The following HDAC9 variants were observed in gnomAD, a reference collection of about 807,000 sequenced individuals.
The protein encoded by HDAC9 is MEF-2 interacting transcription repressor (MITR) protein.
A neutral mutation model predicts 139.4 loss-of-function variants in HDAC9; 41 were observed. The ratio of observed to expected loss-of-function variants is 0.29; its 90% CI spans 0.23 to 0.38. HDAC9 has a LOEUF of 0.38. Among genes scored for constraint, HDAC9 ranks in the 10% least tolerant of loss-of-function variants. The pLI is 1.00. For synonymous variants in HDAC9, 517 were observed against 476.2 expected (o/e 1.09, Z -1.12); for missense variants, 1,147 against 1,297.0 (o/e 0.88, Z 1.78).
chr7:18,447,412 T>G (rs1035296110), intron 1 of HDAC9, among the ~76,000 whole-genome samples: 2 of 152,194 alleles, frequency 1.3e-5, no homozygotes, highest in Non-Finnish European at 2.9e-5. Flanking sequence ...AATAAAGTTA[T>G]GCTGCTTATA....
chr7:18,865,556 A>G (rs1056872318), intron 21 of HDAC9, among the ~76,000 whole-genome samples: 6 of 152,144 alleles, frequency 3.9e-5, no homozygotes, highest in African/African-American at 4.8e-5. Context: ...CTTTTCCACA[A>G]ATGCCCATGG....
At chr7:18,359,542 A>G (rs2128686832) in intron 1 of HDAC9, among the ~76,000 whole-genome samples, 1 of 152,298 alleles carries the variant, frequency 6.6e-6, no homozygotes, top group East Asian at 1.9e-4. Flanking sequence ...AAATAGTACA[A>G]TGAACTTGCA....
At chr7:18,855,438 C>G (rs1797605964) in intron 21 of HDAC9, among the ~76,000 whole-genome samples, 1 of 151,984 alleles carries the variant, frequency 6.6e-6, no homozygotes, top group Admixed American at 6.6e-5. Flanking sequence ...GTCAGTAGCT[C>G]TATCCACCTC....
intron 2 of HDAC9, among the ~76,000 whole-genome samples, chr7:18,554,608 T>C (rs930047827): frequency 3.3e-5 from 5 of 152,226 alleles, no homozygotes; most frequent in African/African-American, 1.2e-4. Flanking sequence ...GTGCTGGGAT[T>C]ACAGGCGTGA....
At chr7:18,744,269 G>C (rs917616055) in intron 13 of HDAC9, among the ~76,000 whole-genome samples, 7 of 152,072 alleles carry the variant, frequency 4.6e-5, no homozygotes, top group Non-Finnish European at 1.5e-5. Context: ...TGGGATTAGA[G>C]GCGTGAGCCA....
intron 19 of HDAC9, among the ~76,000 whole-genome samples, chr7:18,834,762 T>G (rs2016515): frequency 0.27 from 41,579 of 152,058 alleles, 6,299 homozygotes; most frequent in South Asian, 0.45. Flanking sequence ...AAGTATGAAG[T>G]TTTTTTGCAT....
At chr7:18,968,787 G>C (rs187746760) in intron 24 of HDAC9, among the ~76,000 whole-genome samples, 1 of 151,836 alleles carries the variant, frequency 6.6e-6, no homozygotes, top group African/African-American at 2.4e-5. Flanking sequence ...GTGAAACCCC[G>C]TCTCTACTAA....
chr7:18,148,679 C>T (rs960753923), intron 1 of HDAC9, among the ~76,000 whole-genome samples: 2 of 152,024 alleles, frequency 1.3e-5, no homozygotes, highest in East Asian at 1.9e-4. Flanking sequence ...AGGCTGGTCT[C>T]GAACTCCTGA....
intron 1 of HDAC9, among the ~76,000 whole-genome samples, chr7:18,441,872 A>G (rs1275267712): frequency 6.6e-6 from 1 of 152,104 alleles, no homozygotes; most frequent in African/African-American, 2.4e-5. Context: ...GGTTCACGCC[A>G]TTCTCCTGCC....
intron 21 of HDAC9, among the ~76,000 whole-genome samples, chr7:18,862,367 T>C (rs1798174823): frequency 1.3e-5 from 2 of 152,194 alleles, no homozygotes; most frequent in Non-Finnish European, 2.9e-5. Context: ...TTAGAGTTAA[T>C]CTAAATGAAT....
At position 18,155,093 on chromosome 7, in the gene HDAC9, C is replaced by CTTTCTTTCTTTCTTTCTTTCTTTCT. The variant is rs761803907; in HGVS notation, c.-96-7133_-96-7132insCTTTCTTTCTTTCTTTCTTTCTTTT. 2.6e-3 allele frequency among the ~76,000 whole-genome samples: 363 copies of CTTTCTTTCTTTCTTTCTTTCTTTCT among 141,688 alleles called. 2 individuals carry two copies. The East Asian group carries it at 0.032, about 12-fold the overall frequency. 93.0% of individuals were successfully genotyped at this position (141,688 alleles called of 152,430 possible). A position where few individuals can be genotyped will look rare whatever the true frequency, so the allele number is the denominator to read the frequency against. On this transcript the variant is annotated intron_variant, in intron 1 of 12. Coordinates refer to the HDAC9 transcript ENST00000417496. ...GCTTTTTTTCTTTCTTTCTTTCTTT[C>CTTTCTTTCTTTCTTTCTTTCTTTCT]TTTTTTTTTTTTTAACAACCTCTTT...
chr7:18,332,817 C>T (rs1781295605), intron 1 of HDAC9, among the ~76,000 whole-genome samples: 1 of 151,404 alleles, frequency 6.6e-6, no homozygotes, highest in African/African-American at 2.4e-5. Flanking sequence ...TTGTTAGGGG[C>T]TGAGAAATCA....
chr7:18,799,434 A>G (rs1793101598), intron 17 of HDAC9, among the ~76,000 whole-genome samples: 1 of 152,206 alleles, frequency 6.6e-6, no homozygotes, highest in Non-Finnish European at 1.5e-5. Context: ...GTCAATAATA[A>G]CTGTCCCTGA....
At chr7:18,099,479 G>GA (rs71014306) in intron 1 of HDAC9, among the ~76,000 whole-genome samples, 10 of 150,278 alleles carry the variant, frequency 6.7e-5, no homozygotes, top group African/African-American at 2.5e-4. Context: ...AAAAAATAAA[G>GA]AAAAAAAAAA....
chr7:18,943,890 G>A (rs965027743), intron 23 of HDAC9, among the ~76,000 whole-genome samples: 39 of 152,032 alleles, frequency 2.6e-4, no homozygotes, highest in African/African-American at 8.7e-4. Context: ...GCAGGCAGAC[G>A]CAATCTGAAT....
intron 12 of HDAC9, among the ~76,000 whole-genome samples, chr7:18,702,778 C>T (rs927921142): frequency 2.0e-5 from 3 of 152,220 alleles, no homozygotes; most frequent in African/African-American, 7.2e-5. Flanking sequence ...TACCAAAAAT[C>T]TCTGCCCACA....
At chr7:18,296,820 G>T (rs1396906942) in intron 1 of HDAC9, among the ~76,000 whole-genome samples, 1 of 152,172 alleles carries the variant, frequency 6.6e-6, no homozygotes, top group Non-Finnish European at 1.5e-5. Flanking sequence ...TGGAGAAAGG[G>T]GGAGCCTAAG....
At position 18,533,962 on chromosome 7, in the gene HDAC9, G is replaced by A. The variant is rs546919350; in HGVS notation, c.22+37638G>A. ...TTTAAGTTTTTCATCAAAGTGCACC[G>A]TTCTTTATTTTAATGTAGTAGGTAA... On this transcript the variant is annotated intron_variant, in intron 2 of 25. Transcript: ENST00000686413. Among the ~76,000 whole-genome samples the A allele has an allele frequency of 7.9e-5, 12 of 152,084 alleles. No homozygotes were observed. The South Asian group carries it at 1.5e-3, about 18-fold the overall frequency.
chr7:18,972,504 C>T (rs564484230), intron 24 of HDAC9, among the ~76,000 whole-genome samples: 10 of 151,612 alleles, frequency 6.6e-5, no homozygotes, highest in African/African-American at 9.7e-5. Context: ...CCTCAGCCTC[C>T]GGAGTAGCCA....
Sources: allele counts gnomAD v4.1 joint callset (sites outside exome capture counted in the v4.1 genomes callset), GRCh38; gene constraint gnomAD v4.1.1; transcripts MANE v1.5; gene names NCBI Gene and HGNC (gene_info 2026-07-23, HGNC 2026-07-21).